The following KIF26B variants were observed in gnomAD, a reference collection of about 807,000 sequenced individuals.
KIF26B encodes kinesin-like protein KIF26B.
KIF26B carries 63 observed loss-of-function variants against 151.2 expected under a neutral mutation model. The observed-to-expected ratio is 0.42, with a 90% CI of 0.34 to 0.51. The LOEUF (loss-of-function observed/expected upper bound fraction) is 0.51, where lower values mean the gene tolerates loss of function less well. Ranked by LOEUF, KIF26B falls within the 20% of genes least tolerant of loss-of-function variation. The probability of loss-of-function intolerance (pLI) is 0.07; values close to 1 mark genes in which losing one functional copy is unlikely to be tolerated. For synonymous variants in KIF26B, 1,357 were observed against 1,262.1 expected, an observed-to-expected ratio of 1.08 and a Z score of -1.59; for missense variants, 2,813 against 2,913.6, an observed-to-expected ratio of 0.97 and a Z score of 0.79.
At chr1:245,529,045 A>G (rs1412173376) in intron 4 of KIF26B, among the ~76,000 whole-genome samples, 4 of 152,174 alleles carry the variant, frequency 2.6e-5, no homozygotes, top group Non-Finnish European at 4.4e-5. Flanking sequence ...GAAGTCCTCA[A>G]CCTTCTCTTG....
intron 4 of KIF26B, among the ~76,000 whole-genome samples, chr1:245,463,686 G>C (rs1659703745): frequency 6.6e-6 from 1 of 152,222 alleles, no homozygotes; most frequent in African/African-American, 2.4e-5. Flanking sequence ...TGCAGCTGCT[G>C]TTTGTCCATC....
intron 10 of KIF26B, among the ~76,000 whole-genome samples, chr1:245,661,370 A>C (rs1456100076): frequency 6.6e-6 from 1 of 151,960 alleles, no homozygotes; most frequent in East Asian, 1.9e-4. Flanking sequence ...GTTCCTTTTG[A>C]GCCTTTTAAG....
chr1:245,549,696 CG>C lies in KIF26B; in HGVS notation c.1350+8747del, dbSNP rs565900156. ...TGCTGTTCTTGCCTACTGAATTGTT[CG>C]TATCAAATAGAAAATATTTGAATCC... On this transcript the variant is annotated intron_variant, in intron 5 of 14. Transcript: ENST00000407071. 1.4e-4 allele frequency among the ~76,000 whole-genome samples: 22 copies of C among 152,188 alleles called. No individual in the cohort carries two copies. In the South Asian group the frequency reaches 4.6e-3, roughly 32 times the overall value.
intron 5 of KIF26B, among the ~76,000 whole-genome samples, chr1:245,574,649 G>A (rs2043098443): frequency 6.6e-6 from 1 of 152,088 alleles, no homozygotes; most frequent in Non-Finnish European, 1.5e-5. Flanking sequence ...GCCGTTGACT[G>A]CTGCTCTTGC....
chr1:245,514,842 C>T (rs1207967815), intron 4 of KIF26B, among the ~76,000 whole-genome samples: 1 of 152,176 alleles, frequency 6.6e-6, no homozygotes, highest in Non-Finnish European at 1.5e-5. Context: ...GCGAAGCTTA[C>T]CTCATTAGGT....
At chr1:245,551,438 G>T (rs1481589617) in intron 5 of KIF26B, among the ~76,000 whole-genome samples, 1 of 152,180 alleles carries the variant, frequency 6.6e-6, no homozygotes, top group Non-Finnish European at 1.5e-5. Context: ...TAAGATACTC[G>T]CTGGGAGGTA....
At chr1:245,340,904 C>T (rs1055559713) in intron 2 of KIF26B, among the ~76,000 whole-genome samples, 1 of 152,132 alleles carries the variant, frequency 6.6e-6, no homozygotes, top group African/African-American at 2.4e-5. Flanking sequence ...CTGCGGTCAT[C>T]CAGGTGAGAA....
intron 4 of KIF26B, among the ~76,000 whole-genome samples, chr1:245,509,328 G>A (rs1660784831): frequency 1.3e-5 from 2 of 152,196 alleles, no homozygotes; most frequent in Non-Finnish European, 2.9e-5. Flanking sequence ...AAGAGGATGA[G>A]ACTTTTGAAA....
intron 2 of KIF26B, among the ~76,000 whole-genome samples, chr1:245,164,736 G>A (rs1234625152): frequency 2.6e-5 from 4 of 152,238 alleles, no homozygotes; most frequent in Non-Finnish European, 4.4e-5. Flanking sequence ...GCAGCCATTG[G>A]AGGGCACTCA....
At chr1:245,253,338 A>C (rs1402012290) in intron 2 of KIF26B, among the ~76,000 whole-genome samples, 1 of 152,188 alleles carries the variant, frequency 6.6e-6, no homozygotes, top group Non-Finnish European at 1.5e-5. Flanking sequence ...GAGTTACATT[A>C]AGAGATTTTT....
rs1553270126 is a variant in KIF26B at position 245,390,943 on chromosome 1, A to AAAAACAAAACAAAACAAAAC, written c.999+23580_999+23581insCAAAACAAAACAAAACAAAA. Among the ~76,000 whole-genome samples the AAAAACAAAACAAAACAAAAC allele has an allele frequency of 8.6e-3, 1,022 of 118,386 alleles. 85 individuals carry two copies. Among genetic ancestry groups the AAAAACAAAACAAAACAAAAC allele is most frequent in the African/African-American group, 0.04 (970 of 24,380 alleles). The allele number at this position is 118,386 out of a possible 152,430, so 77.7% of individuals were successfully genotyped here. ...TCTCAAAAAAAAAAAAAAAAAAAAA[A>AAAAACAAAACAAAACAAAAC]AAAAAAAAACCACCATAAAATTTTG... On this transcript the variant is annotated intron_variant, in intron 3 of 14. Coordinates refer to ENST00000407071, the MANE Select transcript of KIF26B (RefSeq NM_018012.4).
intron 4 of KIF26B, among the ~76,000 whole-genome samples, chr1:245,526,373 G>T (rs1440270395): frequency 6.6e-6 from 1 of 152,208 alleles, no homozygotes; most frequent in African/African-American, 2.4e-5. Context: ...CCCAGGTCTT[G>T]GTGCAGTCCA....
At position 245,700,054 on chromosome 1, in the gene KIF26B, C is replaced by T. The variant is rs190962696; in HGVS notation, c.6178+1017C>T. ...CTCCACAGGGATAAGGTGATAACAACATTTCCCTAAGTACTCATTGGATTC... is the reference window on the plus strand; with the variant it reads ...CTCCACAGGGATAAGGTGATAACAATATTTCCCTAAGTACTCATTGGATTC... On this transcript the variant is annotated intron_variant, in intron 14 of 14. Transcript: ENST00000407071. Among the ~76,000 whole-genome samples, 433 of 152,326 alleles carry T rather than the reference C, an allele frequency of 2.8e-3. 2 individuals are homozygous for T. The highest frequency in any genetic ancestry group is 9.8e-3 in the African/African-American group (407 of 41,574).
At chr1:245,446,531 C>T (rs897683163) in intron 4 of KIF26B, among the ~76,000 whole-genome samples, 1 of 152,106 alleles carries the variant, frequency 6.6e-6, no homozygotes, top group African/African-American at 2.4e-5. Context: ...AGGAAGGCAT[C>T]GTGTCTGAGG....
chr1:245,292,713 C>T (rs1671275520), intron 2 of KIF26B, among the ~76,000 whole-genome samples: 1 of 152,206 alleles, frequency 6.6e-6, no homozygotes. Flanking sequence ...TCTAACTTCA[C>T]TGAATGATTC....
chr1:245,446,495 G>T (rs561178261), intron 4 of KIF26B, among the ~76,000 whole-genome samples: 1 of 152,180 alleles, frequency 6.6e-6, no homozygotes, highest in Non-Finnish European at 1.5e-5. Flanking sequence ...GAGTGTCTGT[G>T]TAGGTGACTG....
chr1:245,264,473 G>C (rs764808543), intron 2 of KIF26B, among the ~76,000 whole-genome samples: 39 of 151,950 alleles, frequency 2.6e-4, no homozygotes, highest in Non-Finnish European at 3.4e-4. Context: ...GAGAACTGGA[G>C]TTCACTGTGA....
In KIF26B at chr1:245,702,901, C is replaced by CTCTTT; in HGVS notation, c.*296_*297insCTTTT. 1 of 332,478 alleles carries CTCTTT rather than the reference C, an allele frequency of 3.0e-6. No individual in the cohort carries two copies. Among genetic ancestry groups the CTCTTT allele is most frequent in the Non-Finnish European group, 5.4e-6 (1 of 184,218 alleles). The allele number at this position is 332,478 out of a possible 1,614,324, so 20.6% of individuals were successfully genotyped here. On this transcript the variant is annotated 3_prime_UTR_variant, in exon 15 of 15. Transcript: ENST00000407071. This position sits in a 1 kb window ranked among gnomAD's most constrained non-coding sequence, Gnocchi z 4.1. ...TAAAGACCTTGTTTGTACATAAGAA[C>CTCTTT]TGCTAGCAAAAGAGACCTCACTCTT...
intron 4 of KIF26B, among the ~76,000 whole-genome samples, chr1:245,477,691 T>C (rs537349596): frequency 1.5e-4 from 23 of 151,412 alleles, no homozygotes; most frequent in Non-Finnish European, 3.1e-4. Flanking sequence ...GGTTAAAGGT[T>C]TGAAGGGAGA....
Sources: allele counts gnomAD v4.1 joint callset (sites outside exome capture counted in the v4.1 genomes callset), GRCh38; gene constraint gnomAD v4.1.1; non-coding constraint Gnocchi (gnomAD v3.1); transcripts MANE v1.5; gene names NCBI Gene and HGNC (gene_info 2026-07-23, HGNC 2026-07-21).